SYNM: variants seen among roughly 807,000 people sequenced by gnomAD.
SYNM encodes desmuslin.
Under a neutral mutation model 104.0 loss-of-function variants are expected in SYNM, and 95 were observed. The observed-to-expected ratio is 0.91, with a 90% CI of 0.77 to 1.08. The LOEUF (loss-of-function observed/expected upper bound fraction) is 1.08, where lower values mean the gene tolerates loss of function less well. Among genes scored for constraint, SYNM ranks in the 50% least tolerant of loss-of-function variants. The pLI is 0.00. For synonymous variants in SYNM, 918 were observed against 869.0 expected (o/e 1.06, Z -0.99); for missense variants, 2,150 against 2,052.2 (o/e 1.05, Z -0.92).
chr15:99,119,835 G>A (rs2067383421), intron 2 of SYNM, among the ~76,000 whole-genome samples: 1 of 152,176 alleles, frequency 6.6e-6, no homozygotes, highest in African/African-American at 2.4e-5. Flanking sequence ...GAAGAATAAC[G>A]AATGCTCCAT....
chr15:99,141,338 ATAATT>A, the SYNM span, among the ~76,000 whole-genome samples: 1 of 152,220 alleles, frequency 6.6e-6, no homozygotes, highest in African/African-American at 2.4e-5. Context: ...AATATGTATT[ATAATT>A]TAATATGAAG....
Position 99,132,176 on chromosome 15 carries a change from G to T in SYNM, c.3816G>T (p.Gly1272=), listed in dbSNP as rs1555486072. The T allele has an allele frequency of 6.2e-7, 1 of 1,613,936 alleles. No individual in the cohort carries two copies. The highest frequency in any genetic ancestry group is 1.1e-5 in the South Asian group (1 of 91,082). ...VRQLQLGPKE[G]FSGQIQFTAP... The stretch of plus-strand genomic sequence containing the variant: ...AACTCCAGTTAGGCCCTAAAGAAGG[G>T]TTCAGTGGGCAAATCCAGTTCACAG... Residue 1272 remains glycine (G), a synonymous_variant, in exon 4 of 4, where the codon GGG becomes GGT. Coordinates refer to ENST00000336292, the MANE Select transcript of SYNM (RefSeq NM_145728.3).
chr15:99,105,179 G>A lies in SYNM; in HGVS notation c.-21G>A, dbSNP rs1223270829. Reference sequence around the variant, plus strand: ...GCAGGAGGGAGCCGGCCAGCCGCGAGAACCCCGCACGCCCGGCAAGATGCT... The same window carrying A: ...GCAGGAGGGAGCCGGCCAGCCGCGAAAACCCCGCACGCCCGGCAAGATGCT... On this transcript the variant is annotated 5_prime_UTR_variant, in exon 1 of 4. Transcript: ENST00000336292. The A allele has an allele frequency of 1.3e-6, 2 of 1,567,130 alleles. No homozygotes were observed. Among genetic ancestry groups the A allele is most frequent in the Admixed American group, 1.8e-5 (1 of 54,380 alleles).
chr15:99,124,313 T>C (rs2067428350), intron 2 of SYNM, among the ~76,000 whole-genome samples: 1 of 152,230 alleles, frequency 6.6e-6, no homozygotes, highest in Non-Finnish European at 1.5e-5. Flanking sequence ...GTTGATGCTT[T>C]CGCCGTGTAG....
intron 2 of SYNM, among the ~76,000 whole-genome samples, chr15:99,116,529 T>C (rs1703780): frequency 0.56 from 80,261 of 142,446 alleles, 27,539 homozygotes; most frequent in Middle Eastern, 0.69. Context: ...CCCACAGTTG[T>C]GCAGGCTGTA....
chr15:99,130,332 G>T lies in SYNM; in HGVS notation c.1972G>T (p.Ala658Ser). ...GTTCACTCAGTCTCCAGAGACAGAA[G>T]CATCTGCTGATTCTTTTCCAGACAC... ...KQFTQSPETE[A>S]SADSFPDTKV... is the part of the protein sequence containing the mutation. Residue 658 changes from alanine to serine, a missense_variant, in exon 4 of 4, where the codon GCA becomes TCA. Transcript: ENST00000336292. The T allele has an allele frequency of 6.2e-7, 1 of 1,613,830 alleles. No individual in the cohort carries two copies.
In SYNM at chr15:99,131,571, C is replaced by T. The variant is rs567669558; in HGVS notation, c.3211C>T (p.Arg1071Trp). ...CATTCGCTTTAGGCGTTGGGCCACCCGGGAGCTGTACATCCCTTCAGGCGA... is the reference window on the plus strand; with the variant it reads ...CATTCGCTTTAGGCGTTGGGCCACCTGGGAGCTGTACATCCCTTCAGGCGA... ...AGIRFRRWAT[R>W]ELYIPSGESE... The change falls in exon 4 of 4, where the codon CGG (arginine) becomes TGG (tryptophan). Residue 1071 changes from arginine (R) to tryptophan (W), a missense_variant. By Grantham distance (101) the Arg-to-Trp change is moderately radical (BLOSUM62 -3). Coordinates refer to ENST00000336292, the MANE Select transcript of SYNM (RefSeq NM_145728.3). The surrounding 1 kb of genome is among the most constrained non-coding windows in gnomAD (Gnocchi z 4.3). 49 of 1,609,268 alleles carry T rather than the reference C, an allele frequency of 3.0e-5. 1 individual carries two copies. The South Asian group carries it at 4.6e-4, about 15-fold the overall frequency.
Position 99,105,548 on chromosome 15 carries a change from C to T in SYNM, c.349C>T (p.Gln117Ter). 7 of 1,210,454 alleles carry T rather than the reference C, an allele frequency of 5.8e-6. No individual in the cohort carries two copies. The highest frequency in any genetic ancestry group is 7.2e-6 in the Non-Finnish European group (7 of 976,654). The allele number at this position is 1,210,454 out of a possible 1,614,324, so 75.0% of individuals were successfully genotyped here. A position where few individuals can be genotyped will look rare whatever the true frequency, so the allele number is the denominator to read the frequency against. Residue 117 changes from glutamine (Q) to a stop codon, truncating the protein, a stop_gained, in exon 1 of 4, where the codon CAG becomes TAG. Transcript: ENST00000336292. LOFTEE classifies it high-confidence loss of function. ...GRLDAELGAQ[Q>*]RELQEALGAR... ...CCTGGACGCCGAGCTGGGTGCGCAG[C>T]AGCGCGAGCTGCAGGAGGCGCTGGG...
Position 99,130,770 on chromosome 15 carries a change from A to G in SYNM, c.2410A>G (p.Arg804Gly). ...DVTFSVNQHR[R>G]TKQPQENTTH... ...CACATTCTCAGTTAATCAGCATCGA[A>G]GGACCAAGCAGCCTCAGGAGAACAC... Residue 804 changes from arginine (R) to glycine (G), a missense_variant, in exon 4 of 4, where the codon AGG becomes GGG. Transcript: ENST00000336292. 1.9e-6 allele frequency: 3 copies of G among 1,614,006 alleles called. No individual in the cohort carries two copies. The highest frequency in any genetic ancestry group is 2.5e-6 in the Non-Finnish European group (3 of 1,179,894).
chr15:99,127,836 A>G (rs1351284017), intron 3 of SYNM, among the ~76,000 whole-genome samples: 3 of 152,148 alleles, frequency 2.0e-5, no homozygotes, highest in East Asian at 1.9e-4. Context: ...CTAAGTTTGG[A>G]CATCCATCAT....
At chr15:99,108,529 A>T (rs1200722768) in intron 1 of SYNM, among the ~76,000 whole-genome samples, 2 of 152,174 alleles carry the variant, frequency 1.3e-5, no homozygotes, top group African/African-American at 4.8e-5. Context: ...AAAAAATCCT[A>T]AAAATGGGTT....
intron 2 of SYNM, among the ~76,000 whole-genome samples, chr15:99,116,600 G>A (rs2067351780): frequency 7.0e-6 from 1 of 143,780 alleles, no homozygotes; most frequent in Non-Finnish European, 1.5e-5. Context: ...CAGTCATGGT[G>A]GAAGGTGAAA....
chr15:99,111,977 A>G (rs1381506165), intron 1 of SYNM, among the ~76,000 whole-genome samples: 6 of 152,236 alleles, frequency 3.9e-5, no homozygotes, highest in African/African-American at 9.6e-5. Flanking sequence ...TGAACCTGGG[A>G]GGTGGAGGCT....
At position 99,134,491 on chromosome 15, in the gene SYNM, A is replaced by T. The variant is rs2067544736; in HGVS notation, c.*1433A>T. ...CAGCGCATTTTTTTTAGTTCAGGCTAGCTTCTTTCACATAATGCTGTCTCA... is the reference window on the plus strand; with the variant it reads ...CAGCGCATTTTTTTTAGTTCAGGCTTGCTTCTTTCACATAATGCTGTCTCA... On this transcript the variant is annotated 3_prime_UTR_variant, in exon 4 of 4. Coordinates refer to ENST00000336292, the MANE Select transcript of SYNM (RefSeq NM_145728.3). The T allele has an allele frequency of 1.3e-5, 2 of 152,244 alleles. No homozygotes were observed. Among genetic ancestry groups the T allele is most frequent in the Non-Finnish European group, 2.9e-5 (2 of 68,040 alleles). The allele number at this position is 152,244 out of a possible 1,614,324, so 9.4% of individuals were successfully genotyped here.
Position 99,105,962 on chromosome 15 carries a change from CTGCTGCGG to C in SYNM, c.764_771del (p.Leu255HisfsTer17). On this transcript the variant is annotated frameshift_variant, in exon 1 of 4. Coordinates refer to ENST00000336292, the MANE Select transcript of SYNM (RefSeq NM_145728.3). LOFTEE classifies it high-confidence loss of function. ...GCTGCGCGCGCGGCTGGAGGACGCG[CTGCTGCGG>C]ATGCGCGAGGAGTACGGGATACAGG... The C allele has an allele frequency of 6.6e-7, 1 of 1,516,978 alleles. No homozygotes were observed. Among genetic ancestry groups the C allele is most frequent in the Non-Finnish European group, 8.8e-7 (1 of 1,138,916 alleles). The allele number at this position is 1,516,978 out of a possible 1,614,324, so 94.0% of individuals were successfully genotyped here. A position where few individuals can be genotyped will look rare whatever the true frequency, so the allele number is the denominator to read the frequency against.
chr15:99,116,028 G>T (rs1327711272), intron 2 of SYNM, among the ~76,000 whole-genome samples: 1 of 152,248 alleles, frequency 6.6e-6, no homozygotes, highest in African/African-American at 2.4e-5. Flanking sequence ...GGGACATGGA[G>T]TCCATGGAGG....
At chr15:99,129,300 A>G (rs1251291055) in intron 3 of SYNM, 67 bp from the exon 4 acceptor site, 1 of 1,571,028 alleles carries the variant, frequency 6.4e-7, no homozygotes, top group African/African-American at 1.3e-5. Context: ...GCCTGCAACA[A>G]TGCTTGTAGA....
rs1242337082 is a variant in SYNM at position 99,131,559 on chromosome 15, C to T, written c.3199C>T (p.Arg1067Cys). 6.8e-6 allele frequency: 11 copies of T among 1,608,896 alleles called. No homozygotes were observed. Among genetic ancestry groups the T allele is most frequent in the Admixed American group, 1.7e-5 (1 of 59,964 alleles). ...EAPAAGIRFRRWATRELYIPS... is the reference protein window; with the variant it reads ...EAPAAGIRFRCWATRELYIPS... The stretch of plus-strand genomic sequence containing the variant: ...CCCGGCTGCTGGCATTCGCTTTAGG[C>T]GTTGGGCCACCCGGGAGCTGTACAT... The change falls in exon 4 of 4, where the codon CGT (arginine) becomes TGT (cysteine). Residue 1067 changes from arginine to cysteine, a missense_variant. Arg to Cys is a radical substitution (Grantham distance 180). Transcript: ENST00000336292. The surrounding 1 kb of genome is among the most constrained non-coding windows in gnomAD (Gnocchi z 4.3).
At chr15:99,139,474 TGAGA>T, downstream of SYNM, 12 of 1,599,198 alleles carry the variant, frequency 7.5e-6, no homozygotes, top group Non-Finnish European at 1.0e-5. Flanking sequence ...CTCCCTTGAA[TGAGA>T]GAAAGATGAC....
Sources: allele counts gnomAD v4.1 joint callset (sites outside exome capture counted in the v4.1 genomes callset), GRCh38; gene constraint gnomAD v4.1.1; non-coding constraint Gnocchi (gnomAD v3.1); transcripts MANE v1.5; gene names NCBI Gene and HGNC (gene_info 2026-07-23, HGNC 2026-07-21).